Variants in DECR2 observed in about 807,000 individuals in gnomAD.
DECR2 encodes peroxisomal 2,4-dienoyl-CoA reductase [(3E)-enoyl-CoA-producing].
DECR2 carries 34 observed loss-of-function variants against 29.2 expected under a neutral mutation model. The ratio of observed to expected loss-of-function variants is 1.16; its 90% CI spans 0.89 to 1.55. The LOEUF is 1.55. Among genes scored for constraint, DECR2 ranks in the 40% most tolerant of loss-of-function variants. DECR2 has a pLI of 0.00. For missense variants in DECR2, 485 were observed against 425.3 expected, an observed-to-expected ratio of 1.14 and a Z score of -1.23; for synonymous variants, 224 against 182.7, an observed-to-expected ratio of 1.23 and a Z score of -1.82.
At chr16:403,919 A>C (rs2054695277) in intron 1 of DECR2, among the ~76,000 whole-genome samples, 2 of 152,150 alleles carry the variant, frequency 1.3e-5, no homozygotes, top group Admixed American at 1.3e-4. Context: ...CATGCCTGTA[A>C]TCCCAGCACT....
intron 8 of DECR2, 71 bp from the exon 9 acceptor site, chr16:411,819 G>GGCCGAGGCA: frequency 2.0e-6 from 1 of 490,628 alleles, no homozygotes; most frequent in Non-Finnish European, 3.6e-6. Flanking sequence ...GGTGCTGGGT[G>GGCCGAGGCA]GCCGAGGCAG....
chr16:406,776 A>C (rs772666540), intron 3 of DECR2: 1 of 731,958 alleles, frequency 1.4e-6, no homozygotes, highest in African/African-American at 2.0e-5. Flanking sequence ...CCAGGATTAC[A>C]GGTGTGAACC....
chr16:405,783 C>T, intron 2 of DECR2: 1 of 386,962 alleles, frequency 2.6e-6, no homozygotes, highest in Non-Finnish European at 5.2e-6. Context: ...AGGGGTCCTG[C>T]TTCAGAGGGA....
chr16:411,518 G>T lies in DECR2; in HGVS notation c.819G>T (p.Leu273Phe), dbSNP rs140209942. 23 of 1,614,064 alleles carry T rather than the reference G, an allele frequency of 1.4e-5. No individual in the cohort carries two copies. The highest frequency in any genetic ancestry group is 1.8e-5 in the Non-Finnish European group (21 of 1,180,002). ...AVLVADGGAW[L>F]TFPNGVKGLP... Reference sequence around the variant, plus strand: ...TGGTGGCCGATGGCGGGGCATGGTTGACGTTCCCAAACGGTGTCAAAGGGC... The same window carrying T: ...TGGTGGCCGATGGCGGGGCATGGTTTACGTTCCCAAACGGTGTCAAAGGGC... The change falls in exon 8 of 9, where the codon TTG becomes TTT. Residue 273 changes from leucine (L) to phenylalanine (F), a missense_variant. Transcript: ENST00000219481.
chr16:404,959 C>T lies in DECR2; in HGVS notation c.84C>T (p.Asp28=), dbSNP rs755273168. 1 of 1,613,952 alleles carries T rather than the reference C, an allele frequency of 6.2e-7. No individual in the cohort carries two copies. The highest frequency in any genetic ancestry group is 8.5e-7 in the Non-Finnish European group (1 of 1,179,986). The part of the protein sequence containing the change: ...RHLFCPDLLR[D]KVAFITGGGS... ...GAGCCTCCTTTTTTATTCTCAGGGA[C>T]AAAGTGGCCTTCATCACAGGAGGCG... The change falls in exon 2 of 9, where the codon GAC becomes GAT. Residue 28 remains aspartate (D), a synonymous_variant. Coordinates refer to ENST00000219481, the MANE Select transcript of DECR2 (RefSeq NM_020664.4).
chr16:403,334 A>G (rs1282492527), intron 1 of DECR2, among the ~76,000 whole-genome samples: 1 of 152,152 alleles, frequency 6.6e-6, no homozygotes, highest in Non-Finnish European at 1.5e-5. Flanking sequence ...ATTAATCTTT[A>G]ATAATTAAGA....
At position 411,020 on chromosome 16, in the gene DECR2, G is replaced by C. The variant is rs769015947; in HGVS notation, c.605G>C (p.Arg202Pro). The C allele has an allele frequency of 1.9e-6, 3 of 1,600,900 alleles. No individual in the cohort carries two copies. Among genetic ancestry groups the C allele is most frequent in the African/African-American group, 1.3e-5 (1 of 74,670 alleles). Residue 202 changes from arginine to proline, a missense_variant, in exon 7 of 9, where the codon CGC becomes CCC. Coordinates refer to ENST00000219481, the MANE Select transcript of DECR2 (RefSeq NM_020664.4). The stretch of plus-strand genomic sequence containing the variant: ...GTGGAGTGGGGTCCCCAAAACATCC[G>C]CGTCAACAGCCTCGCCCCTGGCCCC... ...LAVEWGPQNI[R>P]VNSLAPGPIS... is the part of the protein sequence containing the mutation.
intron 4 of DECR2, among the ~76,000 whole-genome samples, chr16:407,922 TCTCC>T (rs1567340612): frequency 2.4e-5 from 2 of 82,252 alleles, no homozygotes; most frequent in African/African-American, 9.9e-5. Context: ...TCCGGCCCCA[TCTCC>T]GGCCCCCTGT....
Position 411,019 on chromosome 16 carries a change from C to A in DECR2, c.604C>A (p.Arg202Ser). 2 of 1,601,464 alleles carry A rather than the reference C, an allele frequency of 1.2e-6. No homozygotes were observed. Among genetic ancestry groups the A allele is most frequent in the Non-Finnish European group, 1.7e-6 (2 of 1,174,760 alleles). ...TGTGGAGTGGGGTCCCCAAAACATC[C>A]GCGTCAACAGCCTCGCCCCTGGCCC... ...LAVEWGPQNI[R>S]VNSLAPGPIS... The change falls in exon 7 of 9, where the codon CGC (arginine) becomes AGC (serine). Residue 202 changes from arginine (R) to serine (S), a missense_variant. Physicochemically the swap from Arg to Ser is moderately radical, Grantham distance 110. Coordinates refer to ENST00000219481, the MANE Select transcript of DECR2 (RefSeq NM_020664.4).
chr16:410,932 G>A lies in DECR2; in HGVS notation c.557-40G>A, dbSNP rs773002038. On this transcript the variant is annotated intron_variant, in intron 6 of 8. Transcript: ENST00000219481. This position sits in a 1 kb window ranked among gnomAD's most constrained non-coding sequence, Gnocchi z 4.1. ...GCCTTGGCCCTGCGCCCTCGCAGAG[G>A]GCAGAGCGGCCCTTTCATATCCAAC... 5 of 1,560,492 alleles carry A rather than the reference G, an allele frequency of 3.2e-6. No individual in the cohort carries two copies. The Admixed American group carries it at 9.6e-5, about 30-fold the overall frequency.
At chr16:404,467 CGACCT>C (rs1482441073) in intron 1 of DECR2, among the ~76,000 whole-genome samples, 2 of 151,540 alleles carry the variant, frequency 1.3e-5, no homozygotes, top group Non-Finnish European at 2.9e-5. Flanking sequence ...CTCGAACTCC[CGACCT>C]CAGGTGATCC....
chr16:402,008 C>A lies in DECR2; in HGVS notation c.45C>A (p.Pro15=), dbSNP rs1216943012. The change falls in exon 1 of 9, where the codon CCC becomes CCA. Residue 15 remains proline (P), a synonymous_variant. Transcript: ENST00000219481. ...PPDVEGDDCL[P]AYRHLFCPDL... ...ACGTGGAGGGGGACGACTGTCTCCC[C>A]GCGTACCGCCACCTCTTCTGCCCGG... 2.0e-6 allele frequency: 3 copies of A among 1,488,942 alleles called. No individual in the cohort carries two copies. The highest frequency in any genetic ancestry group is 5.8e-5 in the East Asian group (2 of 34,564). 92.2% of individuals were successfully genotyped at this position (1,488,942 alleles called of 1,614,324 possible).
intron 2 of DECR2, 69 bp downstream of exon 2, chr16:405,093 C>T (rs1264501089): frequency 1.3e-6 from 2 of 1,580,422 alleles, no homozygotes; most frequent in Admixed American, 3.4e-5. Context: ...GATGCCCGAC[C>T]CCTGGAAAGA....
At chr16:403,631 C>T (rs2141803586) in intron 1 of DECR2, among the ~76,000 whole-genome samples, 1 of 152,288 alleles carries the variant, frequency 6.6e-6, no homozygotes, top group South Asian at 2.1e-4. Context: ...CAGAAATACC[C>T]TTTCCCCCAC....
rs2054796787 is a variant in DECR2, at chr16:410,374, GCC to G, written c.462+8_462+9del. 1.9e-6 allele frequency: 3 copies of G among 1,595,272 alleles called. No homozygotes were observed. In the African/African-American group the frequency reaches 4.2e-5, roughly 23 times the overall value. On this transcript the variant is annotated splice_region_variant and intron_variant, in intron 5 of 8. Transcript: ENST00000219481. This position sits in a 1 kb window ranked among gnomAD's most constrained non-coding sequence, Gnocchi z 4.1. ...CTATGAGAAGTTCTTCCGGGTGGGT[GCC>G]TCGTGCGCTCTGTGAGAAGTTCTTC... is the stretch of plus-strand genomic sequence containing the variant.
Position 406,567 on chromosome 16 carries a change from G to A in DECR2, c.201+170G>A, listed in dbSNP as rs921668710. 4.5e-5 allele frequency: 31 copies of A among 683,230 alleles called. No homozygotes were observed. In the Admixed American group the frequency reaches 5.8e-4, roughly 13 times the overall value. 42.3% of individuals were successfully genotyped at this position (683,230 alleles called of 1,614,324 possible). On this transcript the variant is annotated intron_variant, in intron 3 of 8. Coordinates refer to ENST00000219481, the MANE Select transcript of DECR2 (RefSeq NM_020664.4). ...GGCTGAAGTGTGGTGGTGCGATCTCGGCTCACTGCAGCCTCCACCTCCCAG... is the reference window on the plus strand; with the variant it reads ...GGCTGAAGTGTGGTGGTGCGATCTCAGCTCACTGCAGCCTCCACCTCCCAG...
At chr16:403,119 C>A in intron 1 of DECR2, 1 of 734,484 alleles carries the variant, frequency 1.4e-6, no homozygotes, top group Non-Finnish European at 1.7e-6. Flanking sequence ...CTGCCTCAGC[C>A]TCCCAATTCT....
At chr16:406,209 C>A in intron 2 of DECR2, 137 bp from the exon 3 acceptor site, 2 of 847,094 alleles carry the variant, frequency 2.4e-6, no homozygotes, top group Non-Finnish European at 3.6e-6. Flanking sequence ...CCTGTTCACG[C>A]CCCTGTGCCC....
Position 404,958 on chromosome 16 carries a change from A to G in DECR2, c.83A>G (p.Asp28Gly). 6 of 1,614,024 alleles carry G rather than the reference A, an allele frequency of 3.7e-6. No homozygotes were observed. The Middle Eastern group carries it at 8.3e-4, about 222-fold the overall frequency. The change falls in exon 2 of 9, where the codon GAC (aspartate) becomes GGC (glycine). Residue 28 changes from aspartate (D) to glycine (G), a missense_variant and splice_region_variant. Transcript: ENST00000219481. ...RHLFCPDLLRDKVAFITGGGS... is the reference protein window; with the variant it reads ...RHLFCPDLLRGKVAFITGGGS... Reference sequence around the variant, plus strand: ...AGAGCCTCCTTTTTTATTCTCAGGGACAAAGTGGCCTTCATCACAGGAGGC... The same window carrying G: ...AGAGCCTCCTTTTTTATTCTCAGGGGCAAAGTGGCCTTCATCACAGGAGGC...
Sources: gnomAD v4.1 joint callset for allele counts (sites outside exome capture counted in the v4.1 genomes callset) on GRCh38, gnomAD v4.1.1 for gene constraint, Gnocchi (gnomAD v3.1) non-coding constraint, MANE v1.5 for transcripts, NCBI Gene and HGNC (gene_info 2026-07-23, HGNC 2026-07-21) for gene names.